The following LMNB2 variants were observed in gnomAD, a reference collection of about 807,000 sequenced individuals.
LMNB2 encodes the protein lamin B2.
Under a neutral mutation model 69.3 loss-of-function variants are expected in LMNB2, and 17 were observed. That is an observed-to-expected ratio of 0.25 (90% CI 0.17 to 0.37). LMNB2 has a LOEUF of 0.37. LMNB2 is among the 10% of genes least tolerant of loss of function. LMNB2 has a pLI of 1.00. For missense variants in LMNB2, 789 were observed against 883.6 expected (o/e 0.89, Z 1.36); for synonymous variants, 397 against 389.3 (o/e 1.02, Z -0.23).
Position 2,444,551 on chromosome 19 carries a change from C to A in LMNB2, c.265-11G>T. 1.2e-6 allele frequency: 2 copies of A among 1,607,920 alleles called. No homozygotes were observed. Among genetic ancestry groups the A allele is most frequent in the Non-Finnish European group, 8.5e-7 (1 of 1,179,988 alleles). ...CTTGATGCCACTCACCTGGGGAGAC[C>A]CAGGACAGGGTGAAGCGAGAGGGAC... On this transcript the variant is annotated splice_polypyrimidine_tract_variant and intron_variant, in intron 1 of 11. Transcript: ENST00000325327.
chr19:2,452,933 C>G (rs568231112), intron 1 of LMNB2, among the ~76,000 whole-genome samples: 1 of 141,416 alleles, frequency 7.1e-6, no homozygotes, highest in Non-Finnish European at 1.5e-5. Flanking sequence ...CTCATGGGGG[C>G]TGCGTCATCC....
rs1971695845 is a variant in LMNB2 at position 2,428,831 on chromosome 19, C to T, written c.*2080G>A. ...CAAAGACTCAATTCTCAATGAACCT[C>T]CAATTACCCACAGGCTGCCCAGTCC... is the stretch of plus-strand genomic sequence containing the variant. On this transcript the variant is annotated 3_prime_UTR_variant, in exon 12 of 12. Coordinates refer to ENST00000325327, the MANE Select transcript of LMNB2 (RefSeq NM_032737.4). 1 of 152,220 alleles carries T rather than the reference C, an allele frequency of 6.6e-6. No individual in the cohort carries two copies. Among genetic ancestry groups the T allele is most frequent in the Non-Finnish European group, 1.5e-5 (1 of 68,038 alleles). The allele number at this position is 152,220 out of a possible 1,614,324, so 9.4% of individuals were successfully genotyped here.
rs1053902755 is a variant in LMNB2, at chr19:2,446,915, C to T, written c.265-2375G>A. On this transcript the variant is annotated intron_variant, in intron 1 of 11. Coordinates refer to ENST00000325327, the MANE Select transcript of LMNB2 (RefSeq NM_032737.4). ...CAGCACTTTGGGAAGCCGAGGCGGG[C>T]GGATCACAAGGTCAGGAGATCGAGA... 4.6e-5 allele frequency among the ~76,000 whole-genome samples: 7 copies of T among 152,148 alleles called. No homozygotes were observed. The East Asian group carries it at 5.8e-4, about 13-fold the overall frequency.
Position 2,433,737 on chromosome 19 carries a change from C to G in LMNB2, c.1482+89G>C. 1.4e-6 allele frequency: 2 copies of G among 1,455,782 alleles called. 1 individual carries two copies. The highest frequency in any genetic ancestry group is 4.6e-5 in the African/African-American group (2 of 43,864). The allele number at this position is 1,455,782 out of a possible 1,614,324, so 90.2% of individuals were successfully genotyped here. A position where few individuals can be genotyped will look rare whatever the true frequency, so the allele number is the denominator to read the frequency against. Reference sequence around the variant, plus strand: ...TCCGGTCACCTTGTCCCCTGCCTCGCATTGGCCGGCAGCCCCGTCACCCTG... The same window carrying G: ...TCCGGTCACCTTGTCCCCTGCCTCGGATTGGCCGGCAGCCCCGTCACCCTG... On this transcript the variant is annotated intron_variant, in intron 8 of 11. Coordinates refer to ENST00000325327, the MANE Select transcript of LMNB2 (RefSeq NM_032737.4).
At chr19:2,432,555 C>A in intron 8 of LMNB2, 32 bp from the exon 9 acceptor site, 2 of 1,569,930 alleles carry the variant, frequency 1.3e-6, no homozygotes, top group Non-Finnish European at 1.8e-6. Flanking sequence ...TGACCCTCAG[C>A]CACCAGGACT....
chr19:2,432,549 C>T (rs763411144), intron 8 of LMNB2, 26 bp from the exon 9 acceptor site: 4 of 1,584,742 alleles, frequency 2.5e-6, no homozygotes, highest in South Asian at 2.2e-5. Context: ...CACACCTGAC[C>T]CTCAGCCACC....
In LMNB2 at chr19:2,435,121, G is replaced by T; in HGVS notation, c.735C>A (p.Asp245Glu). 1 of 1,608,056 alleles carries T rather than the reference G, an allele frequency of 6.2e-7. No individual in the cohort carries two copies. ...AGTCGTACTCCTGCTGCCGGCTGCTGTCCACCTCCACCAGGCGCCGCTCGT... is the reference window on the plus strand; with the variant it reads ...AGTCGTACTCCTGCTGCCGGCTGCTTTCCACCTCCACCAGGCGCCGCTCGT... ...RRHERRLVEVDSSRQQEYDFK... is the reference protein window; with the variant it reads ...RRHERRLVEVESSRQQEYDFK... Residue 245 changes from aspartate (D) to glutamate (E), a missense_variant, in exon 5 of 12, where the codon GAC (aspartate) becomes GAA (glutamate). Physicochemically the swap from Asp to Glu is conservative, Grantham distance 45. Transcript: ENST00000325327.
chr19:2,435,638 A>G (rs1367110110), intron 4 of LMNB2, among the ~76,000 whole-genome samples: 1 of 152,126 alleles, frequency 6.6e-6, no homozygotes, highest in African/African-American at 2.4e-5. Context: ...AGATCCTGCC[A>G]ATGCTGAACT....
chr19:2,436,417 C>T (rs924936823), intron 4 of LMNB2, among the ~76,000 whole-genome samples: 4 of 132,616 alleles, frequency 3.0e-5, no homozygotes, highest in Non-Finnish European at 6.5e-5. Flanking sequence ...AAAACAAAAA[C>T]AGTAGAAACG....
Position 2,431,564 on chromosome 19 carries a change from T to TC in LMNB2, c.1804dup (p.Asp602GlyfsTer46). The TC allele has an allele frequency of 1.2e-6, 2 of 1,614,122 alleles. No homozygotes were observed. Among genetic ancestry groups the TC allele is most frequent in the Non-Finnish European group, 1.7e-6 (2 of 1,179,984 alleles). On this transcript the variant is annotated frameshift_variant, in exon 11 of 12. Coordinates refer to ENST00000325327, the MANE Select transcript of LMNB2 (RefSeq NM_032737.4). LOFTEE classifies it high-confidence loss of function. ...GGGTCCTACCTGTTGGTGGAAAAGA[T>TC]CCTCCTCGCCAAACTCGGCTTCCTC...
chr19:2,435,284 G>A, intron 4 of LMNB2, 113 bp from the exon 5 acceptor site: 3 of 1,434,714 alleles, frequency 2.1e-6, no homozygotes, highest in Middle Eastern at 2.4e-4. Flanking sequence ...CTGGTTCCTT[G>A]TGCACAAGTT....
intron 2 of LMNB2, among the ~76,000 whole-genome samples, chr19:2,440,104 G>A (rs11879351): frequency 2.0e-5 from 3 of 146,876 alleles, no homozygotes; most frequent in Non-Finnish European, 4.6e-5. Context: ...GAAAGTGACC[G>A]TATGTCTGTC....
intron 11 of LMNB2, among the ~76,000 whole-genome samples, 160 bp downstream of exon 11, chr19:2,431,388 T>G (rs538232479): frequency 1.3e-5 from 2 of 152,316 alleles, no homozygotes; most frequent in South Asian, 4.1e-4. Context: ...AACAGGTCTC[T>G]GCCGTGCTGG....
chr19:2,448,825 C>T (rs1377475539), intron 1 of LMNB2, among the ~76,000 whole-genome samples: 2 of 152,086 alleles, frequency 1.3e-5, no homozygotes, highest in African/African-American at 2.4e-5. Context: ...TCCAGCCTGG[C>T]GACAGCCAGA....
At chr19:2,436,337 G>T (rs1013783851) in intron 4 of LMNB2, among the ~76,000 whole-genome samples, 29 of 151,974 alleles carry the variant, frequency 1.9e-4, no homozygotes, top group African/African-American at 5.8e-4. Context: ...CCAGCTACTC[G>T]GGAGGCTGGG....
At chr19:2,434,953 GGCGGGGTTCCCA>G in intron 5 of LMNB2, 36 bp downstream of exon 5, 1 of 1,588,860 alleles carries the variant, frequency 6.3e-7, no homozygotes, top group African/African-American at 1.3e-5. Flanking sequence ...CGCGGGGCGG[GGCGGGGTTCCCA>G]CCGGCCGCCC....
chr19:2,432,592 G>T, intron 8 of LMNB2, 69 bp from the exon 9 acceptor site: 2 of 1,321,344 alleles, frequency 1.5e-6, no homozygotes, highest in Non-Finnish European at 1.1e-6. Flanking sequence ...CGCCCTGGCT[G>T]GTGGCCCCAT....
chr19:2,437,503 T>C (rs1049457640), intron 4 of LMNB2, among the ~76,000 whole-genome samples: 3 of 152,172 alleles, frequency 2.0e-5, no homozygotes, highest in Non-Finnish European at 4.4e-5. Context: ...TCCTTGACAC[T>C]GAAGAGATAT....
intron 11 of LMNB2, among the ~76,000 whole-genome samples, chr19:2,431,346 A>C (rs945214407): frequency 1.3e-5 from 2 of 152,122 alleles, no homozygotes; most frequent in African/African-American, 4.8e-5. Flanking sequence ...GATGTCGCAA[A>C]TTCACACGAT....
Sources: gnomAD v4.1 joint callset for allele counts (sites outside exome capture counted in the v4.1 genomes callset) on GRCh38, gnomAD v4.1.1 for gene constraint, MANE v1.5 for transcripts, NCBI Gene and HGNC (gene_info 2026-07-23, HGNC 2026-07-21) for gene names.